The following DCC variants were observed in gnomAD, a reference collection of about 807,000 sequenced individuals.
DCC encodes DCC netrin 1 receptor.
Under a neutral mutation model 172.5 loss-of-function variants are expected in DCC, and 58 were observed. The observed-to-expected ratio is 0.34, with a 90% CI of 0.27 to 0.42. The LOEUF is 0.42. DCC is among the 10% of genes least tolerant of loss of function. The probability of loss-of-function intolerance (pLI) is 1.00; values close to 1 mark genes in which losing one functional copy is unlikely to be tolerated. For missense variants in DCC, 1,740 were observed against 1,791.0 expected, an observed-to-expected ratio of 0.97 and a Z score of 0.51; for synonymous variants, 709 against 644.5, an observed-to-expected ratio of 1.10 and a Z score of -1.52.
intron 7 of DCC, among the ~76,000 whole-genome samples, chr18:53,103,670 A>C (rs939627492): frequency 1.4e-4 from 21 of 152,126 alleles, no homozygotes; most frequent in African/African-American, 4.6e-4. Flanking sequence ...TTGTACTTTC[A>C]TGAAACGCTT....
chr18:53,067,910 A>G (rs1379945971), intron 7 of DCC, among the ~76,000 whole-genome samples: 1 of 152,230 alleles, frequency 6.6e-6, no homozygotes, highest in Non-Finnish European at 1.5e-5. Context: ...TTAAGTCCTT[A>G]TATTGTATGC....
At chr18:52,551,044 T>G (rs1209434650) in intron 1 of DCC, among the ~76,000 whole-genome samples, 1 of 152,038 alleles carries the variant, frequency 6.6e-6, no homozygotes, top group African/African-American at 2.4e-5. Flanking sequence ...ATAAAATGTT[T>G]CTACTTTTCA....
Position 53,503,857 on chromosome 18 carries a change from A to T in DCC, c.4111+4347A>T, listed in dbSNP as rs1246385430. ...GCACTATATTTTCCTTCATTTACAC[A>T]TTGCATTTTACACACATATATTTAT... On this transcript the variant is annotated intron_variant, in intron 27 of 28. Transcript: ENST00000442544. Among the ~76,000 whole-genome samples, 3 of 151,804 alleles carry T rather than the reference A, an allele frequency of 2.0e-5. No individual in the cohort carries two copies. In the East Asian group the frequency reaches 5.8e-4, roughly 29 times the overall value.
At chr18:52,462,273 A>G (rs1349700695) in intron 1 of DCC, among the ~76,000 whole-genome samples, 1 of 152,194 alleles carries the variant, frequency 6.6e-6, no homozygotes, top group Non-Finnish European at 1.5e-5. Flanking sequence ...GAACATTTAC[A>G]CGAGGTCCCA....
intron 25 of DCC, among the ~76,000 whole-genome samples, chr18:53,468,367 A>AT (rs1555675972): frequency 1.2e-4 from 15 of 129,568 alleles, no homozygotes; most frequent in African/African-American, 3.7e-4. Flanking sequence ...TATTTATTTT[A>AT]TTTATTTATT....
intron 5 of DCC, among the ~76,000 whole-genome samples, chr18:52,940,479 A>G (rs745724637): frequency 1.1e-4 from 17 of 152,308 alleles, no homozygotes; most frequent in Non-Finnish European, 2.2e-4. Flanking sequence ...TAGCTCCACC[A>G]TGATTCTATT....
chr18:52,395,823 G>T (rs1323199957), intron 1 of DCC, among the ~76,000 whole-genome samples: 1 of 151,954 alleles, frequency 6.6e-6, no homozygotes, highest in Non-Finnish European at 1.5e-5. Flanking sequence ...ATGGATTCCT[G>T]CCTGGTTATC....
At chr18:52,868,473 C>T (rs1220438516) in intron 2 of DCC, among the ~76,000 whole-genome samples, 4 of 152,244 alleles carry the variant, frequency 2.6e-5, no homozygotes, top group South Asian at 4.2e-4. Flanking sequence ...CTAATGAAAC[C>T]GCTGTTGCAA....
chr18:52,969,582 C>CCCTCT (rs1555689589), intron 5 of DCC, among the ~76,000 whole-genome samples: 7 of 80,052 alleles, frequency 8.7e-5, no homozygotes, highest in Admixed American at 1.4e-4. Context: ...GCCCCGCCCC[C>CCCTCT]CACTCTCTCT....
At chr18:53,229,473 C>T (rs991162609) in intron 12 of DCC, among the ~76,000 whole-genome samples, 1 of 152,104 alleles carries the variant, frequency 6.6e-6, no homozygotes, top group African/African-American at 2.4e-5. Context: ...TCTTTTACTA[C>T]ATTTTACTAT....
intron 5 of DCC, among the ~76,000 whole-genome samples, chr18:53,040,393 T>A (rs2042153769): frequency 6.6e-6 from 1 of 151,928 alleles, no homozygotes; most frequent in Non-Finnish European, 1.5e-5. Context: ...AAAGTGTGAT[T>A]TAGGAGCTAC....
intron 2 of DCC, among the ~76,000 whole-genome samples, chr18:52,818,510 G>T (rs563327500): frequency 6.6e-6 from 1 of 152,090 alleles, no homozygotes; most frequent in South Asian, 2.1e-4. Flanking sequence ...TTTGTAAAAT[G>T]GGTGAATCAT....
At chr18:53,300,337 T>C (rs1157551008) in intron 12 of DCC, among the ~76,000 whole-genome samples, 1 of 152,138 alleles carries the variant, frequency 6.6e-6, no homozygotes, top group African/African-American at 2.4e-5. Flanking sequence ...AAAGAGATGC[T>C]CTGTCTTCTT....
chr18:53,177,729 A>C (rs534656443), intron 8 of DCC, among the ~76,000 whole-genome samples: 20 of 152,252 alleles, frequency 1.3e-4, no homozygotes, highest in African/African-American at 4.8e-4. Context: ...CACATCACAT[A>C]CACTCAACCT....
chr18:52,592,454 G>T (rs2144800163), intron 1 of DCC, among the ~76,000 whole-genome samples: 1 of 152,322 alleles, frequency 6.6e-6, no homozygotes, highest in South Asian at 2.1e-4. Context: ...GTCAAATGCT[G>T]CTAGTTAGGT....
intron 5 of DCC, among the ~76,000 whole-genome samples, chr18:53,022,391 C>G (rs1047779057): frequency 1.2e-4 from 18 of 151,728 alleles, no homozygotes; most frequent in African/African-American, 4.4e-4. Context: ...GATAATAATA[C>G]TATCTTATGA....
At chr18:53,490,592 G>A (rs148897646) in intron 26 of DCC, among the ~76,000 whole-genome samples, 220 of 152,248 alleles carry the variant, frequency 1.4e-3, no homozygotes, top group African/African-American at 5.0e-3. Flanking sequence ...ATTCTCACTC[G>A]ATACTCTGAA....
chr18:52,738,852 G>C (rs1016556542), intron 1 of DCC, among the ~76,000 whole-genome samples: 2 of 143,810 alleles, frequency 1.4e-5, no homozygotes, highest in Admixed American at 1.4e-4. Context: ...CAGTCTTCCT[G>C]TCTTAACCTG....
At chr18:52,540,330 G>T (rs933810214) in intron 1 of DCC, among the ~76,000 whole-genome samples, 3 of 152,028 alleles carry the variant, frequency 2.0e-5, no homozygotes, top group African/African-American at 7.2e-5. Flanking sequence ...GGGAGACTAA[G>T]GTGGGAGGGT....
Sources: gnomAD v4.1 joint callset for allele counts (sites outside exome capture counted in the v4.1 genomes callset) on GRCh38, gnomAD v4.1.1 for gene constraint, MANE v1.5 for transcripts, NCBI Gene and HGNC (gene_info 2026-07-23, HGNC 2026-07-21) for gene names.